The following DRC8 variants were observed in gnomAD, a reference collection of about 807,000 sequenced individuals.
The protein encoded by DRC8 is dynein regulatory complex protein 8.
chr1:245,014,079 A>G, the DRC8 span, among the ~76,000 whole-genome samples: 70 of 145,934 alleles, frequency 4.8e-4, no homozygotes, highest in African/African-American at 1.7e-3. Context: ...AGAAAAGAGT[A>G]GTTAACTCTG....
chr1:245,016,350 G>A, the DRC8 span, among the ~76,000 whole-genome samples: 2 of 152,076 alleles, frequency 1.3e-5, no homozygotes, highest in African/African-American at 4.8e-5. Flanking sequence ...TGCACTTACT[G>A]TTCTCTCTGC....
At chr1:245,080,419 A>C in the DRC8 span, among the ~76,000 whole-genome samples, 1 of 152,174 alleles carries the variant, frequency 6.6e-6, no homozygotes, top group Non-Finnish European at 1.5e-5. Flanking sequence ...GGTGTGACAA[A>C]GTTCTATTTA....
At chr1:244,979,283 G>A in the DRC8 span, among the ~76,000 whole-genome samples, 3 of 137,386 alleles carry the variant, frequency 2.2e-5, no homozygotes, top group African/African-American at 5.4e-5. Context: ...GGAGATAACC[G>A]AAGCTTATCT....
At chr1:244,994,289 A>G in the DRC8 span, among the ~76,000 whole-genome samples, 1 of 152,148 alleles carries the variant, frequency 6.6e-6, no homozygotes, top group African/African-American at 2.4e-5. Flanking sequence ...GTTTCTGCAA[A>G]TAGCTTCCTT....
the DRC8 span, chr1:245,082,133 G>A: frequency 1.9e-6 from 3 of 1,612,660 alleles, no homozygotes; most frequent in Admixed American, 1.7e-5. Context: ...AATTTCTTCC[G>A]GTGATGACAG....
the DRC8 span, among the ~76,000 whole-genome samples, chr1:245,029,876 A>G: frequency 3.3e-5 from 5 of 150,152 alleles, no homozygotes; most frequent in African/African-American, 1.2e-4. Context: ...GATCACAAGC[A>G]TGAGCCACTG....
chr1:244,976,373 A>C, the DRC8 span, among the ~76,000 whole-genome samples: 1 of 152,222 alleles, frequency 6.6e-6, no homozygotes, highest in South Asian at 2.1e-4. Flanking sequence ...TAATTTAATA[A>C]GTTTTCTTCC....
chr1:245,007,730 G>A, the DRC8 span, among the ~76,000 whole-genome samples: 4 of 151,822 alleles, frequency 2.6e-5, no homozygotes, highest in Admixed American at 2.0e-4. Context: ...GCTATGAGTA[G>A]CAATGGGGAG....
chr1:245,020,648 C>G, the DRC8 span, among the ~76,000 whole-genome samples: 1 of 109,602 alleles, frequency 9.1e-6, no homozygotes, highest in African/African-American at 3.6e-5. Flanking sequence ...TAGACAGGGT[C>G]TCGCTCTGTC....
the DRC8 span, among the ~76,000 whole-genome samples, chr1:245,116,549 G>A: frequency 1.6e-3 from 238 of 152,270 alleles, 1 homozygote; most frequent in African/African-American, 4.7e-3. Flanking sequence ...TGTCCACCTC[G>A]TCAAACAGAG....
chr1:245,110,522 G>A, the DRC8 span, among the ~76,000 whole-genome samples: 1 of 152,204 alleles, frequency 6.6e-6, no homozygotes, highest in Non-Finnish European at 1.5e-5. Flanking sequence ...ACTTTTCTGG[G>A]CATATTCTGC....
chr1:245,097,292 G>A, the DRC8 span, among the ~76,000 whole-genome samples: 1 of 152,134 alleles, frequency 6.6e-6, no homozygotes, highest in Non-Finnish European at 1.5e-5. The surrounding 1 kb of genome is among the most constrained non-coding windows in gnomAD (Gnocchi z 5.0). Flanking sequence ...AGGCCAAGGT[G>A]GGTGGATCAC....
chr1:245,003,309 G>A, the DRC8 span, among the ~76,000 whole-genome samples: 2 of 152,316 alleles, frequency 1.3e-5, no homozygotes, highest in South Asian at 2.1e-4. Context: ...TTACTCAGAA[G>A]TGGAATTGCT....
chr1:244,971,379 A>G, the DRC8 span, among the ~76,000 whole-genome samples: 1 of 152,236 alleles, frequency 6.6e-6, no homozygotes, highest in Non-Finnish European at 1.5e-5. Flanking sequence ...TAAGGTCGCC[A>G]GTTCGGAGGC....
At chr1:245,030,672 C>T in the DRC8 span, 5 of 152,230 alleles carry the variant, frequency 3.3e-5, no homozygotes, top group African/African-American at 1.2e-4. Context: ...CTATTTTGCT[C>T]CCGACTGATT....
At chr1:245,035,866 CAAA>C in the DRC8 span, among the ~76,000 whole-genome samples, 3 of 109,952 alleles carry the variant, frequency 2.7e-5, no homozygotes, top group African/African-American at 3.3e-5. Context: ...GACTCTGTCT[CAAA>C]AAAAAAAAAA....
the DRC8 span, among the ~76,000 whole-genome samples, chr1:245,108,924 T>G: frequency 2.0e-5 from 3 of 152,346 alleles, 1 homozygote; most frequent in South Asian, 6.2e-4. Context: ...GGCCATGGCT[T>G]GTACCTCAGT....
chr1:245,105,665 T>C, the DRC8 span, among the ~76,000 whole-genome samples: 1 of 150,140 alleles, frequency 6.7e-6, no homozygotes, highest in Non-Finnish European at 1.5e-5. Context: ...AAACCCAAGA[T>C]AATATTCTGC....
At chr1:245,030,847 C>T in the DRC8 span, 11,879 of 152,322 alleles carry the variant, frequency 0.078, 1,269 homozygotes, top group African/African-American at 0.24. Flanking sequence ...GAAAAGTCGG[C>T]TTTGGTCATT....
Sources: gnomAD v4.1 joint callset for allele counts (sites outside exome capture counted in the v4.1 genomes callset) on GRCh38, gnomAD v4.1.1 for gene constraint, Gnocchi (gnomAD v3.1) non-coding constraint, MANE v1.5 for transcripts, NCBI Gene and HGNC (gene_info 2026-07-23, HGNC 2026-07-21) for gene names.